RPL6: variants seen among roughly 807,000 people sequenced by gnomAD.
RPL6 encodes the protein large ribosomal subunit protein eL6.
RPL6 carries 1 observed loss-of-function variant against 32.1 expected under a neutral mutation model. The ratio of observed to expected loss-of-function variants is 0.03; its 90% confidence interval spans 0.01 to 0.15. The LOEUF (loss-of-function observed/expected upper bound fraction) is 0.15. Among genes scored for constraint, RPL6 ranks in the 10% least tolerant of loss-of-function variants. The pLI is 1.00. For missense variants in RPL6, 275 were observed against 354.6 expected, an observed-to-expected ratio of 0.78 and a Z score of 1.80; for synonymous variants, 126 against 131.6, an observed-to-expected ratio of 0.96 and a Z score of 0.29.
intron 3 of RPL6, chr12:112,407,334 G>A (rs566711479): frequency 6.3e-6 from 1 of 159,898 alleles, no homozygotes; most frequent in Non-Finnish European, 1.4e-5. Context: ...ATTGCATAAA[G>A]CCAGACACTA....
chr12:112,405,470 C>A, intron 6 of RPL6, 94 bp from the exon 7 acceptor site: 1 of 1,231,996 alleles, frequency 8.1e-7, no homozygotes. Flanking sequence ...TACTAATCCC[C>A]AAGAATATTT....
In RPL6 at chr12:112,408,476, C is replaced by T; in HGVS notation, c.181G>A (p.Ala61Thr). The stretch of plus-strand genomic sequence containing the variant: ...TACATGGCCTTTCTGGAATACATGG[C>T]AGATCGGGAATACCTGCCAATTCCT... ...VRGIGRYSRS[A>T]MYSRKAMYKR... The change falls in exon 2 of 7, where the codon GCC becomes ACC. Residue 61 changes from alanine (A) to threonine (T), a missense_variant. Transcript: ENST00000202773. 1 of 1,614,146 alleles carries T rather than the reference C, an allele frequency of 6.2e-7. No homozygotes were observed. Among genetic ancestry groups the T allele is most frequent in the Non-Finnish European group, 8.5e-7 (1 of 1,180,034 alleles).
Position 112,408,457 on chromosome 12 carries a change from G to A in RPL6, c.200C>T (p.Ala67Val). ...GGCTGAGTACTTCCTCTTGTACATG[G>A]CCTTTCTGGAATACATGGCAGATCG... is the stretch of plus-strand genomic sequence containing the variant. ...YSRSAMYSRK[A>V]MYKRKYSAAK... The change falls in exon 2 of 7, where the codon GCC becomes GTC. Residue 67 changes from alanine to valine, a missense_variant. Physicochemically the swap from Ala to Val is moderately conservative, Grantham distance 64 (BLOSUM62 0). Coordinates refer to ENST00000202773, the MANE Select transcript of RPL6 (RefSeq NM_000970.6). 6.2e-7 allele frequency: 1 copy of A among 1,614,102 alleles called. No individual in the cohort carries two copies. Among genetic ancestry groups the A allele is most frequent in the Non-Finnish European group, 8.5e-7 (1 of 1,180,020 alleles).
At chr12:112,417,405 C>T (rs2037427218) in intron 1 of RPL6, among the ~76,000 whole-genome samples, 2 of 151,542 alleles carry the variant, frequency 1.3e-5, no homozygotes, top group South Asian at 4.2e-4. Context: ...CAAGTAAAAG[C>T]TCTACTCTTC....
upstream of RPL6, among the ~76,000 whole-genome samples, chr12:112,412,873 G>A (rs1236577157): frequency 2.6e-5 from 4 of 151,714 alleles, no homozygotes; most frequent in Non-Finnish European, 5.9e-5. Flanking sequence ...GCAGTGAGCC[G>A]AGATTGTGCC....
intron 1 of RPL6, among the ~76,000 whole-genome samples, chr12:112,417,799 A>G (rs961993772): frequency 6.6e-6 from 1 of 151,146 alleles, no homozygotes; most frequent in African/African-American, 2.4e-5. Flanking sequence ...CTGGGACTAC[A>G]GGCGCGCGCC....
intron 1 of RPL6, 22 bp downstream of exon 1, chr12:112,409,565 C>T: frequency 2.5e-6 from 1 of 398,612 alleles, no homozygotes; most frequent in Non-Finnish European, 4.4e-6. Flanking sequence ...TCAAGTCTTG[C>T]AGACAGGCCC....
intron 6 of RPL6, 36 bp from the exon 7 acceptor site, chr12:112,405,412 C>T (rs755596305): frequency 1.9e-6 from 3 of 1,602,646 alleles, no homozygotes; most frequent in Non-Finnish European, 2.6e-6. Context: ...TTAAAACAGG[C>T]ACATACCAAA....
intron 1 of RPL6, chr12:112,408,937 C>T: frequency 5.0e-6 from 2 of 398,600 alleles, no homozygotes; most frequent in Non-Finnish European, 8.9e-6. Flanking sequence ...GTCAGAAGTC[C>T]GTACAACCAT....
chr12:112,409,129 C>G (rs925637144), intron 1 of RPL6: 1 of 261,562 alleles, frequency 3.8e-6, no homozygotes, highest in African/African-American at 2.2e-5. Flanking sequence ...GGAATCAGCC[C>G]AAATTGAGCC....
upstream of RPL6, among the ~76,000 whole-genome samples, chr12:112,411,618 A>G (rs2037342509): frequency 6.6e-6 from 1 of 152,200 alleles, no homozygotes; most frequent in Non-Finnish European, 1.5e-5. Context: ...GCCCCTCAAA[A>G]TTGCTGGCAA....
At chr12:112,407,709 A>G (rs1242816054) in intron 3 of RPL6, 2 of 156,366 alleles carry the variant, frequency 1.3e-5, no homozygotes, top group African/African-American at 4.8e-5. Context: ...ATTTCATTTA[A>G]TCTCCATAAA....
chr12:112,412,455 G>A (rs959298985), upstream of RPL6, among the ~76,000 whole-genome samples: 1 of 150,086 alleles, frequency 6.7e-6, no homozygotes, highest in Non-Finnish European at 1.5e-5. Flanking sequence ...GATTACAGGC[G>A]TGAGCCACCT....
upstream of RPL6, among the ~76,000 whole-genome samples, chr12:112,410,860 C>G (rs999322219): frequency 3.3e-5 from 5 of 152,280 alleles, no homozygotes; most frequent in South Asian, 1.0e-3. Flanking sequence ...CAGGCGTGAG[C>G]CACCGCACCT....
At chr12:112,410,727 C>T (rs1257322628), upstream of RPL6, among the ~76,000 whole-genome samples, 3 of 151,678 alleles carry the variant, frequency 2.0e-5, no homozygotes, top group African/African-American at 4.8e-5. Flanking sequence ...GCGCACACCA[C>T]CATGCCCAGC....
intron 1 of RPL6, among the ~76,000 whole-genome samples, chr12:112,415,990 G>A (rs1218688422): frequency 3.1e-5 from 4 of 127,782 alleles, no homozygotes; most frequent in Non-Finnish European, 4.7e-5. Flanking sequence ...ATGGAGTCTC[G>A]CTCCGACGCC....
At chr12:112,407,006 TTA>T (rs1425746878) in intron 3 of RPL6, 116 bp from the exon 4 acceptor site, 3 of 987,934 alleles carry the variant, frequency 3.0e-6, no homozygotes, top group East Asian at 2.7e-5. Flanking sequence ...AATACTGTAT[TTA>T]TATGATTCCA....
chr12:112,406,703 C>A, intron 4 of RPL6, 44 bp downstream of exon 4: 1 of 1,609,014 alleles, frequency 6.2e-7, no homozygotes, highest in East Asian at 2.2e-5. Context: ...CACCAGGCAC[C>A]CCAGGCAGCT....
chr12:112,410,349 T>A, upstream of RPL6: 1 of 289,664 alleles, frequency 3.5e-6, no homozygotes, highest in Non-Finnish European at 6.9e-6. Flanking sequence ...TACTTCCTCT[T>A]GTACATGGCC....
Sources: gnomAD v4.1 joint callset for allele counts (sites outside exome capture counted in the v4.1 genomes callset) on GRCh38, gnomAD v4.1.1 for gene constraint, MANE v1.5 for transcripts, NCBI Gene and HGNC (gene_info 2026-07-23, HGNC 2026-07-21) for gene names.